CSMD3: variants seen among roughly 807,000 people sequenced by gnomAD.
The protein encoded by CSMD3 is CUB and sushi domain-containing protein 3.
A neutral mutation model predicts 435.2 loss-of-function variants in CSMD3; 177 were observed. The ratio of observed to expected loss-of-function variants is 0.41; its 90% CI spans 0.36 to 0.46. The LOEUF is 0.46. Among genes scored for constraint, CSMD3 ranks in the 20% least tolerant of loss-of-function variants. The pLI is 0.34. For synonymous variants in CSMD3, 1,656 were observed against 1,520.5 expected (o/e 1.09, Z -2.07); for missense variants, 4,265 against 4,504.6 (o/e 0.95, Z 1.52).
chr8:112,595,033 G>A (rs1831561084), intron 22 of CSMD3, among the ~76,000 whole-genome samples: 1 of 152,158 alleles, frequency 6.6e-6, no homozygotes, highest in Admixed American at 6.5e-5. Context: ...TTGACGAGCT[G>A]AGAGAAGAAG....
chr8:112,568,297 T>C (rs965624818), intron 24 of CSMD3, among the ~76,000 whole-genome samples: 1 of 151,982 alleles, frequency 6.6e-6, no homozygotes, highest in African/African-American at 2.4e-5. Flanking sequence ...TAATTTGCTT[T>C]AGAAAAAGGA....
chr8:113,128,369 A>T (rs555747691), intron 4 of CSMD3, among the ~76,000 whole-genome samples: 15 of 152,014 alleles, frequency 9.9e-5, no homozygotes, highest in South Asian at 4.2e-4. Flanking sequence ...AATCCATAAA[A>T]TTTTTTTTTA....
rs2130990760 is a variant in CSMD3 at position 112,341,489 on chromosome 8, T to C, written c.6640A>G (p.Ile2214Val). The stretch of plus-strand genomic sequence containing the variant: ...TTATTTCTCTTACCTTGGTATACAA[T>C]ATGAAACCCTTGTTTGTTTTGTGAA... ...DYSQNKQGFH[I>V]VYQAYQLQSC... The change falls in exon 42 of 71, where the codon ATT becomes GTT. Residue 2214 changes from isoleucine to valine, a missense_variant. By Grantham distance (29) the Ile-to-Val change is conservative (BLOSUM62 3). This residue lies in a region of CSMD3 where 3,255 missense variants were observed against 3,380.2 expected (regional missense o/e 0.96). Transcript: ENST00000297405. 6.2e-7 allele frequency: 1 copy of C among 1,604,554 alleles called. No individual in the cohort carries two copies. Among genetic ancestry groups the C allele is most frequent in the South Asian group, 1.1e-5 (1 of 90,856 alleles).
At chr8:113,021,240 AT>A (rs1047795716) in intron 5 of CSMD3, among the ~76,000 whole-genome samples, 1 of 152,126 alleles carries the variant, frequency 6.6e-6, no homozygotes, top group Non-Finnish European at 1.5e-5. Context: ...TAATTGTATA[AT>A]TTTAGACTCA....
chr8:112,356,432 C>T (rs1826606996), intron 38 of CSMD3, among the ~76,000 whole-genome samples: 1 of 152,036 alleles, frequency 6.6e-6, no homozygotes, highest in Non-Finnish European at 1.5e-5. Flanking sequence ...CACATATTGT[C>T]ACTTATAAGT....
chr8:112,794,466 T>C (rs1315092306), intron 13 of CSMD3, among the ~76,000 whole-genome samples: 1 of 151,826 alleles, frequency 6.6e-6, no homozygotes, highest in Non-Finnish European at 1.5e-5. Flanking sequence ...TGCTAATTTT[T>C]GTATTTTTAG....
intron 10 of CSMD3, among the ~76,000 whole-genome samples, chr8:112,881,594 C>T (rs2130206514): frequency 6.6e-6 from 1 of 151,998 alleles, no homozygotes; most frequent in East Asian, 1.9e-4. Flanking sequence ...GGTAGATTTA[C>T]TGTTTTCTGC....
intron 22 of CSMD3, among the ~76,000 whole-genome samples, chr8:112,594,125 G>T (rs891199538): frequency 6.6e-6 from 1 of 152,124 alleles, no homozygotes; most frequent in African/African-American, 2.4e-5. Context: ...TCTCACTAGG[G>T]AGTGCCAGAC....
intron 36 of CSMD3, among the ~76,000 whole-genome samples, chr8:112,388,322 A>T (rs1489418260): frequency 2.6e-5 from 4 of 152,192 alleles, no homozygotes; most frequent in African/African-American, 4.8e-5. Context: ...TTACTTTCAG[A>T]TGGTTACTCT....
chr8:113,351,561 C>T (rs1315498690), intron 1 of CSMD3, among the ~76,000 whole-genome samples: 2 of 151,920 alleles, frequency 1.3e-5, no homozygotes, highest in Non-Finnish European at 2.9e-5. Context: ...AAATAAGATG[C>T]ATGCATTTAA....
chr8:113,413,011 G>C (rs2094566234), intron 1 of CSMD3, among the ~76,000 whole-genome samples: 1 of 151,968 alleles, frequency 6.6e-6, no homozygotes, highest in Non-Finnish European at 1.5e-5. Flanking sequence ...TGATAAATTA[G>C]CTATCTCCAA....
At chr8:113,225,570 T>A (rs972024590) in intron 3 of CSMD3, among the ~76,000 whole-genome samples, 4 of 151,402 alleles carry the variant, frequency 2.6e-5, no homozygotes, top group East Asian at 1.9e-4. Flanking sequence ...AGAAAAAAAA[T>A]TCTACTCTTC....
chr8:113,208,210 G>A (rs892333334), intron 3 of CSMD3, among the ~76,000 whole-genome samples: 1 of 152,168 alleles, frequency 6.6e-6, no homozygotes, highest in South Asian at 2.1e-4. Flanking sequence ...TAATGTTGAA[G>A]ATTCCTGAAT....
intron 1 of CSMD3, among the ~76,000 whole-genome samples, chr8:113,428,246 A>G (rs1286706674): frequency 6.9e-6 from 1 of 144,910 alleles, no homozygotes; most frequent in Non-Finnish European, 1.6e-5. Flanking sequence ...CTATCTATCT[A>G]TCTATCTATC....
intron 31 of CSMD3, among the ~76,000 whole-genome samples, chr8:112,473,968 CA>C (rs1818791433): frequency 6.6e-6 from 1 of 151,958 alleles, no homozygotes; most frequent in Non-Finnish European, 1.5e-5. Context: ...TTGTCACTGC[CA>C]CTCATATTTC....
At chr8:113,326,094 C>T (rs1231438381) in intron 1 of CSMD3, among the ~76,000 whole-genome samples, 1 of 152,132 alleles carries the variant, frequency 6.6e-6, no homozygotes, top group African/African-American at 2.4e-5. Context: ...TAACATCTAA[C>T]TTAGCTAGTT....
At chr8:112,668,871 A>C (rs7837037) in intron 16 of CSMD3, among the ~76,000 whole-genome samples, 50,439 of 151,138 alleles carry the variant, frequency 0.33, 9,346 homozygotes, top group African/African-American at 0.5. Flanking sequence ...GCCATGGTGT[A>C]GCAACAGTGG....
At chr8:113,220,009 C>T (rs1203139035) in intron 3 of CSMD3, among the ~76,000 whole-genome samples, 3 of 151,426 alleles carry the variant, frequency 2.0e-5, no homozygotes, top group Admixed American at 1.3e-4. Context: ...TAGCCTTAAA[C>T]ACGTGAAAAG....
At chr8:113,414,040 A>C (rs753710997) in intron 1 of CSMD3, among the ~76,000 whole-genome samples, 7 of 152,166 alleles carry the variant, frequency 4.6e-5, no homozygotes, top group African/African-American at 7.2e-5. Context: ...CCACATGAAC[A>C]TATAGAATCA....
Sources: allele counts gnomAD v4.1 joint callset (sites outside exome capture counted in the v4.1 genomes callset), GRCh38; gene constraint gnomAD v4.1.1; regional missense constraint gnomAD v4.1.1; transcripts MANE v1.5; gene names NCBI Gene and HGNC (gene_info 2026-07-23, HGNC 2026-07-21).